The following PLD5 variants were observed in gnomAD, a reference collection of about 807,000 sequenced individuals.
PLD5 encodes inactive phospholipase D5.
Under a neutral mutation model 61.1 loss-of-function variants are expected in PLD5, and 36 were observed. That is an observed-to-expected ratio of 0.59 (90% CI 0.45 to 0.78). The LOEUF (loss-of-function observed/expected upper bound fraction) is 0.78. Ranked by LOEUF, PLD5 falls within the 30% of genes least tolerant of loss-of-function variation. The pLI, the probability that PLD5 is intolerant of heterozygous loss-of-function variation, is 0.00. For synonymous variants in PLD5, 243 were observed against 242.8 expected (o/e 1.00, Z -0.01); for missense variants, 515 against 644.4 (o/e 0.80, Z 2.17).
intron 5 of PLD5, among the ~76,000 whole-genome samples, chr1:242,144,644 G>C (rs1023483926): frequency 5.9e-5 from 9 of 152,108 alleles, no homozygotes; most frequent in Non-Finnish European, 5.9e-5. Flanking sequence ...AGCTGGGTGT[G>C]GTGGCACGTG....
At chr1:242,519,474 A>G (rs889258755) in intron 1 of PLD5, among the ~76,000 whole-genome samples, 10 of 152,240 alleles carry the variant, frequency 6.6e-5, no homozygotes, top group African/African-American at 2.4e-4. Flanking sequence ...AGGTGAGAAC[A>G]TTAAGGATTC....
chr1:242,386,969 TA>T (rs762034740), intron 1 of PLD5, among the ~76,000 whole-genome samples: 4 of 152,200 alleles, frequency 2.6e-5, no homozygotes, highest in Non-Finnish European at 4.4e-5. Context: ...ACCAACCCTT[TA>T]CTCTGAAAAT....
chr1:242,128,961 T>TA, intron 5 of PLD5, among the ~76,000 whole-genome samples: 1 of 152,208 alleles, frequency 6.6e-6, no homozygotes, highest in East Asian at 1.9e-4. Context: ...AAGAGGAACA[T>TA]AAAAACGCTT....
chr1:242,198,019 C>G (rs1195777997), intron 5 of PLD5, among the ~76,000 whole-genome samples: 1 of 152,106 alleles, frequency 6.6e-6, no homozygotes, highest in Non-Finnish European at 1.5e-5. Flanking sequence ...CACTGTAGCC[C>G]TACTGCTGCC....
chr1:242,304,907 C>G (rs1417556069), intron 2 of PLD5, among the ~76,000 whole-genome samples: 1 of 152,106 alleles, frequency 6.6e-6, no homozygotes. Flanking sequence ...AGTTCAAGAC[C>G]AGCCTGGGCA....
intron 1 of PLD5, among the ~76,000 whole-genome samples, chr1:242,444,332 C>T (rs527262528): frequency 1.3e-5 from 2 of 152,192 alleles, no homozygotes; most frequent in East Asian, 3.9e-4. Flanking sequence ...TACCTTTATT[C>T]TATGTGCTTT....
At chr1:242,122,572 C>T (rs1426983869) in intron 6 of PLD5, among the ~76,000 whole-genome samples, 1 of 152,122 alleles carries the variant, frequency 6.6e-6, no homozygotes, top group South Asian at 2.1e-4. Context: ...TCCTTGGCCT[C>T]CTGGTCTTAT....
intron 1 of PLD5, among the ~76,000 whole-genome samples, chr1:242,381,406 G>A (rs1334548125): frequency 6.6e-6 from 1 of 152,134 alleles, no homozygotes; most frequent in South Asian, 2.1e-4. Flanking sequence ...TTGGGGGTGA[G>A]GGAGGGGGAA....
chr1:242,284,329 GTTTCACCAT>G (rs1382167919), intron 3 of PLD5, among the ~76,000 whole-genome samples: 5 of 151,566 alleles, frequency 3.3e-5, no homozygotes, highest in Non-Finnish European at 1.5e-5. Flanking sequence ...TACAGACGGG[GTTTCACCAT>G]GTTTGCCAGG....
chr1:242,124,312 C>T (rs1282873417), intron 6 of PLD5, 156 bp downstream of exon 6: 6 of 607,740 alleles, frequency 9.9e-6, no homozygotes, highest in East Asian at 8.3e-5. Flanking sequence ...GGTATGATTG[C>T]GTGTAAGGGT....
chr1:242,516,066 C>T (rs995702528), intron 1 of PLD5, among the ~76,000 whole-genome samples: 2 of 151,918 alleles, frequency 1.3e-5, no homozygotes, highest in African/African-American at 4.8e-5. Context: ...ACATCAAGCA[C>T]CTTTTCATGC....
intron 1 of PLD5, among the ~76,000 whole-genome samples, chr1:242,501,790 T>TTTTTTATA (rs770416059): frequency 6.8e-6 from 1 of 147,164 alleles, no homozygotes; most frequent in Admixed American, 6.8e-5. Context: ...TAATATTCCA[T>TTTTTTATA]TATATATATA....
At chr1:242,181,651 T>G (rs1319158770) in intron 5 of PLD5, among the ~76,000 whole-genome samples, 2 of 137,236 alleles carry the variant, frequency 1.5e-5, no homozygotes, top group African/African-American at 5.7e-5. Flanking sequence ...AAATGTCTCT[T>G]CAATGGTTTT....
chr1:242,417,431 TACC>T (rs1244832963), intron 1 of PLD5, among the ~76,000 whole-genome samples: 1 of 151,726 alleles, frequency 6.6e-6, no homozygotes, highest in East Asian at 1.9e-4. Context: ...ACCCAGAAAT[TACC>T]ACCCTTGTTC....
chr1:242,409,561 G>A (rs1664427731), intron 1 of PLD5, among the ~76,000 whole-genome samples: 3 of 152,138 alleles, frequency 2.0e-5, no homozygotes, highest in South Asian at 2.1e-4. Flanking sequence ...ATGGTTTTAA[G>A]GAGCGGAGAG....
At chr1:242,364,710 T>C (rs1661246806) in intron 1 of PLD5, among the ~76,000 whole-genome samples, 1 of 151,956 alleles carries the variant, frequency 6.6e-6, no homozygotes, top group Admixed American at 6.6e-5. Context: ...AGCAAGACTC[T>C]GTCTCAATAA....
At chr1:242,216,208 C>T (rs7537227) in intron 5 of PLD5, among the ~76,000 whole-genome samples, 42,729 of 151,864 alleles carry the variant, frequency 0.28, 6,444 homozygotes, top group South Asian at 0.41. Flanking sequence ...CCGCCTTGCC[C>T]GACAGACCTG....
At chr1:242,209,882 C>A (rs1285704115) in intron 5 of PLD5, among the ~76,000 whole-genome samples, 1 of 152,168 alleles carries the variant, frequency 6.6e-6, no homozygotes, top group Non-Finnish European at 1.5e-5. Flanking sequence ...GCAACCTCTG[C>A]CTCCCAGGTT....
intron 1 of PLD5, among the ~76,000 whole-genome samples, chr1:242,389,874 T>C (rs765689307): frequency 5.0e-4 from 76 of 152,140 alleles, no homozygotes; most frequent in Non-Finnish European, 9.9e-4. Context: ...CATTCTTTTT[T>C]ATGAGCTAAA....
Sources: gnomAD v4.1 joint callset for allele counts (sites outside exome capture counted in the v4.1 genomes callset) on GRCh38, gnomAD v4.1.1 for gene constraint, MANE v1.5 for transcripts, NCBI Gene and HGNC (gene_info 2026-07-23, HGNC 2026-07-21) for gene names.